FKBP5: variants seen among roughly 807,000 people sequenced by gnomAD.
FKBP5 encodes the protein FKBP prolyl isomerase 5.
In FKBP5, 23 loss-of-function variants were observed where a neutral mutation model predicts 50.5. That is an observed-to-expected ratio of 0.46 (90% CI 0.33 to 0.65). The LOEUF (loss-of-function observed/expected upper bound fraction) is 0.65, where lower values mean the gene tolerates loss of function less well. FKBP5 is among the 30% of genes least tolerant of loss of function. FKBP5 has a pLI of 0.02. For synonymous variants in FKBP5, 176 were observed against 190.6 expected, an observed-to-expected ratio of 0.92 and a Z score of 0.63; for missense variants, 411 against 553.1, an observed-to-expected ratio of 0.74 and a Z score of 2.58.
Position 35,587,038 on chromosome 6 carries a change from A to T in FKBP5, c.836T>A (p.Phe279Tyr), listed in dbSNP as rs886511972. The change falls in exon 8 of 11, where the codon TTC becomes TAC. Residue 279 changes from phenylalanine to tyrosine, a missense_variant. Around this residue, in one of 3 missense-constraint regions of FKBP5, gnomAD observed 267 missense variants for 405.9 expected, o/e 0.66. Transcript: ENST00000357266. ...AIVKEKGTVYFKGGKYMQAVI... is the reference protein window; with the variant it reads ...AIVKEKGTVYYKGGKYMQAVI... ...ATTGCATAGGGACTCACACACCTTGAAGTATACGGTTCCCTTCTCTTTGAC... is the reference window on the plus strand; with the variant it reads ...ATTGCATAGGGACTCACACACCTTGTAGTATACGGTTCCCTTCTCTTTGAC... The T allele has an allele frequency of 6.2e-7, 1 of 1,613,888 alleles. No homozygotes were observed. Among genetic ancestry groups the T allele is most frequent in the Non-Finnish European group, 8.5e-7 (1 of 1,179,858 alleles).
chr6:35,716,031 A>G (rs953013014), intron 2 of FKBP5, among the ~76,000 whole-genome samples: 1 of 152,142 alleles, frequency 6.6e-6, no homozygotes, highest in Non-Finnish European at 1.5e-5. Context: ...GGGAGGGCAG[A>G]ATCTAGGGTG....
chr6:35,587,191 G>C (rs1762627749), intron 7 of FKBP5, 74 bp from the exon 8 acceptor site: 1 of 1,333,836 alleles, frequency 7.5e-7, no homozygotes, highest in Non-Finnish European at 1.1e-6. Context: ...GGAACAAAGA[G>C]CAGCTAATTC....
chr6:35,649,674 G>GA (rs1764734468), intron 1 of FKBP5, among the ~76,000 whole-genome samples: 2 of 152,104 alleles, frequency 1.3e-5, no homozygotes, highest in African/African-American at 4.8e-5. Context: ...TTATAAAGGC[G>GA]AAACATGAAA....
chr6:35,679,631 A>T (rs533835082), intron 1 of FKBP5, among the ~76,000 whole-genome samples: 9 of 152,376 alleles, frequency 5.9e-5, no homozygotes, highest in African/African-American at 1.9e-4. Context: ...AACAACTTTG[A>T]TAAAGCTGGA....
intron 5 of FKBP5, among the ~76,000 whole-genome samples, chr6:35,609,176 A>T (rs575324599): frequency 2.7e-5 from 4 of 149,596 alleles, no homozygotes; most frequent in African/African-American, 4.9e-5. Context: ...TATGGAAATT[A>T]TTTTTTTTTT....
chr6:35,576,342 T>TG (rs1762214222), intron 10 of FKBP5, among the ~76,000 whole-genome samples: 1 of 151,836 alleles, frequency 6.6e-6, no homozygotes, highest in Admixed American at 6.6e-5. Context: ...AAGTCTTACT[T>TG]GAAAAAAAAA....
chr6:35,726,538 A>T (rs1555918), intron 1 of FKBP5, among the ~76,000 whole-genome samples: 2 of 1,900 alleles, frequency 1.1e-3, no homozygotes, highest in Non-Finnish European at 4.1e-3. Flanking sequence ...CTCCTCCTCC[A>T]CACACACACA....
At chr6:35,597,693 G>T (rs545019275) in intron 5 of FKBP5, among the ~76,000 whole-genome samples, 1 of 152,176 alleles carries the variant, frequency 6.6e-6, no homozygotes. Flanking sequence ...CTATGTGACA[G>T]AAGTTTCCTC....
chr6:35,717,401 T>C (rs967810970), intron 2 of FKBP5, among the ~76,000 whole-genome samples: 6 of 152,194 alleles, frequency 3.9e-5, no homozygotes, highest in Admixed American at 6.5e-5. Flanking sequence ...CATGTATGTG[T>C]GAGTGTGTGC....
rs1285634903 is a variant in FKBP5, at chr6:35,584,613, C to T, written c.840+2421G>A. 9.1e-6 allele frequency: 9 copies of T among 985,320 alleles called. No individual in the cohort carries two copies. The South Asian group carries it at 2.3e-4, about 26-fold the overall frequency. 61.0% of individuals were successfully genotyped at this position (985,320 alleles called of 1,614,324 possible). ...AACCATTTTGAAGTTTTACAGCTAA[C>T]GCTAGGACTACTGCTGGGATCTTTT... On this transcript the variant is annotated intron_variant, in intron 8 of 10. Coordinates refer to ENST00000357266, the MANE Select transcript of FKBP5 (RefSeq NM_004117.4).
chr6:35,620,000 C>A, intron 4 of FKBP5, 132 bp downstream of exon 4: 1 of 1,108,824 alleles, frequency 9.0e-7, no homozygotes, highest in Non-Finnish European at 1.3e-6. Context: ...TTCAAGAAGC[C>A]ATGCTCCAAA....
chr6:35,680,730 A>C (rs1167269568), intron 1 of FKBP5, among the ~76,000 whole-genome samples: 1 of 152,238 alleles, frequency 6.6e-6, no homozygotes, highest in Non-Finnish European at 1.5e-5. Context: ...ACCCAAAAAC[A>C]ACAACCAGAT....
chr6:35,668,690 T>C (rs1177327581), intron 1 of FKBP5, among the ~76,000 whole-genome samples: 1 of 152,150 alleles, frequency 6.6e-6, no homozygotes, highest in Non-Finnish European at 1.5e-5. Flanking sequence ...TTGTTTGTTA[T>C]TATTATACTT....
chr6:35,591,248 T>G, intron 6 of FKBP5, 28 bp from the exon 7 acceptor site: 1 of 1,478,568 alleles, frequency 6.8e-7, no homozygotes, highest in Non-Finnish European at 9.4e-7. Context: ...AAATAAAACT[T>G]TAAAAGGATT....
chr6:35,669,757 T>C (rs1765331952), intron 1 of FKBP5, among the ~76,000 whole-genome samples: 1 of 152,230 alleles, frequency 6.6e-6, no homozygotes, highest in Non-Finnish European at 1.5e-5. Flanking sequence ...GTTCCATATG[T>C]AAGAATTCAC....
In FKBP5 at chr6:35,642,735, G is replaced by A. The variant is rs1278532432; in HGVS notation, c.90C>T (p.Asp30=). ...EQGEDITSKK[D]RGVLKIVKRV... The stretch of plus-strand genomic sequence containing the variant: ...GTGGCCTCACCTTTAATACTCCCCT[G>A]TCTTTTTTGGAGGTAATATCCTCTC... The change falls in exon 2 of 11, where the codon GAC becomes GAT. Residue 30 remains aspartate, a synonymous_variant. Transcript: ENST00000357266. The A allele has an allele frequency of 6.2e-7, 1 of 1,613,552 alleles. No individual in the cohort carries two copies. The highest frequency in any genetic ancestry group is 8.5e-7 in the Non-Finnish European group (1 of 1,179,782).
chr6:35,683,680 T>C (rs1407014100), intron 1 of FKBP5, among the ~76,000 whole-genome samples: 1 of 148,368 alleles, frequency 6.7e-6, no homozygotes, highest in East Asian at 2.0e-4. Context: ...GGTTTTGCCA[T>C]GTTGGCCAGG....
chr6:35,604,595 G>A (rs950825908), intron 5 of FKBP5, among the ~76,000 whole-genome samples: 20 of 152,120 alleles, frequency 1.3e-4, no homozygotes, highest in Non-Finnish European at 2.9e-5. Context: ...ATGGGCAGAC[G>A]TAATCTTTCC....
In FKBP5 at chr6:35,644,361, ACAGAGT is replaced by A. The variant is rs939806137; in HGVS notation, c.-19-1524_-19-1519del. On this transcript the variant is annotated intron_variant, in intron 1 of 10. Coordinates refer to ENST00000357266, the MANE Select transcript of FKBP5 (RefSeq NM_004117.4). ...ACTCATCTCCTGAGCCTTCTTGTCT[ACAGAGT>A]CAAAGAGTCTTTCTGCACTTGCAGA... is the stretch of plus-strand genomic sequence containing the variant. 2.6e-5 allele frequency among the ~76,000 whole-genome samples: 4 copies of A among 152,362 alleles called. No homozygotes were observed. The South Asian group carries it at 6.2e-4, about 24-fold the overall frequency.
Sources: gnomAD v4.1 joint callset for allele counts (sites outside exome capture counted in the v4.1 genomes callset) on GRCh38, gnomAD v4.1.1 for gene constraint, gnomAD v4.1.1 regional missense constraint, MANE v1.5 for transcripts, NCBI Gene and HGNC (gene_info 2026-07-23, HGNC 2026-07-21) for gene names.